Variants in DLAT observed in about 807,000 individuals in gnomAD.
The protein encoded by DLAT is dihydrolipoyllysine-residue acetyltransferase component of pyruvate dehydrogenase complex, mitochondrial.
In DLAT, 43 loss-of-function variants were observed where a neutral mutation model predicts 68.0. The observed-to-expected ratio is 0.63, with a 90% CI of 0.50 to 0.81. DLAT has a LOEUF of 0.81. Ranked by LOEUF, DLAT falls within the 40% of genes least tolerant of loss-of-function variation. DLAT has a pLI of 0.00. For synonymous variants in DLAT, 265 were observed against 288.6 expected, an observed-to-expected ratio of 0.92 and a Z score of 0.83; for missense variants, 745 against 815.4, an observed-to-expected ratio of 0.91 and a Z score of 1.05.
chr11:112,044,079 A>C (rs1483927501), intron 8 of DLAT, among the ~76,000 whole-genome samples: 4 of 152,220 alleles, frequency 2.6e-5, no homozygotes, highest in African/African-American at 9.6e-5. Flanking sequence ...CATGTATTCC[A>C]CATTATGTTT....
In DLAT at chr11:112,038,347, A is replaced by G. The variant is rs1369192540; in HGVS notation, c.975+887A>G. 2.0e-5 allele frequency among the ~76,000 whole-genome samples: 3 copies of G among 151,590 alleles called. No homozygotes were observed. The East Asian group carries it at 5.9e-4, about 30-fold the overall frequency. ...CCGAGTAGCTGGGATTACAGGTGTT[A>G]GCCACCATGCCCGGCTAATTTTTTT... On this transcript the variant is annotated intron_variant, in intron 6 of 13. Transcript: ENST00000280346.
intron 5 of DLAT, among the ~76,000 whole-genome samples, chr11:112,036,124 CATATATATATGTGTGTGTAT>C (rs71060208): frequency 1.6e-4 from 22 of 133,584 alleles, no homozygotes; most frequent in Admixed American, 4.1e-4. Context: ...CAGACTTAAA[CATATATATATGTGTGTGTAT>C]ATATATATAT....
Position 112,059,143 on chromosome 11 carries a change from A to G in DLAT, c.1515-760A>G, listed in dbSNP as rs587774055. 2.0e-5 allele frequency among the ~76,000 whole-genome samples: 3 copies of G among 151,990 alleles called. No homozygotes were observed. The East Asian group carries it at 5.8e-4, about 29-fold the overall frequency. On this transcript the variant is annotated intron_variant, in intron 11 of 13. Transcript: ENST00000280346. Reference sequence around the variant, plus strand: ...CTGAGCACTCCTATTTCTTGCTACAATGCAGTTCTTTCCCTTCACTCTTCC... The same window carrying G: ...CTGAGCACTCCTATTTCTTGCTACAGTGCAGTTCTTTCCCTTCACTCTTCC...
intron 11 of DLAT, among the ~76,000 whole-genome samples, chr11:112,058,625 T>TG (rs1169416538): frequency 0.28 from 19,871 of 71,678 alleles, 2,712 homozygotes; most frequent in East Asian, 0.45. Context: ...AAGGGGGGGG[T>TG]GGGGGGGGGG....
chr11:112,056,830 A>G (rs1291718185), intron 11 of DLAT, among the ~76,000 whole-genome samples: 1 of 152,154 alleles, frequency 6.6e-6, no homozygotes, highest in Non-Finnish European at 1.5e-5. Flanking sequence ...GTCCTCATCA[A>G]TATTTGTTAC....
At chr11:112,058,619 G>GA (rs1326335284) in intron 11 of DLAT, among the ~76,000 whole-genome samples, 1 of 130,266 alleles carries the variant, frequency 7.7e-6, no homozygotes, top group Non-Finnish European at 1.6e-5. Flanking sequence ...TGGGGGAAGG[G>GA]GGGGGTGGGG....
In DLAT at chr11:112,064,294, A is replaced by C. The variant is rs1864820048; in HGVS notation, c.*1759A>C. The C allele has an allele frequency of 7.7e-7, 1 of 1,304,596 alleles. No individual in the cohort carries two copies. The highest frequency in any genetic ancestry group is 2.7e-5 in the Admixed American group (1 of 37,038). 80.8% of individuals were successfully genotyped at this position (1,304,596 alleles called of 1,614,324 possible). A position where few individuals can be genotyped will look rare whatever the true frequency, so the allele number is the denominator to read the frequency against. On this transcript the variant is annotated 3_prime_UTR_variant, in exon 14 of 14. Transcript: ENST00000280346. ...TAAAAATTAATCTGAGCTATAATCT[A>C]AATCGATTCAGTCTCTTACCAGAAC...
chr11:112,041,389 A>G (rs1555181000), intron 7 of DLAT, among the ~76,000 whole-genome samples: 1 of 152,222 alleles, frequency 6.6e-6, no homozygotes, highest in African/African-American at 2.4e-5. Flanking sequence ...GAATGGATAT[A>G]TGTGCAGTCA....
chr11:112,029,895 G>A, intron 4 of DLAT: 1 of 674,402 alleles, frequency 1.5e-6, no homozygotes, highest in Non-Finnish European at 2.8e-6. Flanking sequence ...GGGGCCTGTG[G>A]GAACATTCTG....
intron 2 of DLAT, 72 bp downstream of exon 2, chr11:112,026,371 G>A: frequency 1.1e-6 from 1 of 873,208 alleles, no homozygotes; most frequent in Non-Finnish European, 1.6e-6. Flanking sequence ...GTTTCTCGCA[G>A]AGGGGGATTT....
At chr11:112,056,321 ACT>A (rs1479064820) in intron 11 of DLAT, among the ~76,000 whole-genome samples, 1 of 152,082 alleles carries the variant, frequency 6.6e-6, no homozygotes, top group Admixed American at 6.6e-5. Context: ...CCAAAAGATC[ACT>A]CATGCTCATT....
chr11:112,029,759 A>G (rs1862293652), intron 4 of DLAT: 1 of 418,968 alleles, frequency 2.4e-6, no homozygotes, highest in Non-Finnish European at 4.6e-6. Context: ...AGGGAAGCAA[A>G]CACAGGGGCC....
At position 112,063,545 on chromosome 11, in the gene DLAT, G is replaced by T. The variant is rs587647770; in HGVS notation, c.*1010G>T. 6.6e-6 allele frequency: 1 copy of T among 152,624 alleles called. No individual in the cohort carries two copies. The highest frequency in any genetic ancestry group is 1.9e-4 in the East Asian group (1 of 5,188). 9.5% of individuals were successfully genotyped at this position (152,624 alleles called of 1,614,324 possible). On this transcript the variant is annotated 3_prime_UTR_variant, in exon 14 of 14. Transcript: ENST00000280346. ...GGTACATTGGTAAACATTTTGGAGT[G>T]CTTAAAAATGCCAAAAACAAAATGG...
chr11:112,025,837 T>C, intron 1 of DLAT, 86 bp downstream of exon 1: 1 of 1,526,764 alleles, frequency 6.5e-7, no homozygotes, highest in Non-Finnish European at 8.9e-7. Flanking sequence ...GAGGCCTCAC[T>C]GATCCTCCAC....
intron 8 of DLAT, among the ~76,000 whole-genome samples, chr11:112,044,376 G>C (rs1390131199): frequency 2.0e-5 from 3 of 152,104 alleles, no homozygotes; most frequent in Non-Finnish European, 4.4e-5. Flanking sequence ...CGTATGTTTA[G>C]TAGAGACAGG....
intron 7 of DLAT, 47 bp from the exon 8 acceptor site, chr11:112,043,419 G>T: frequency 6.4e-7 from 1 of 1,558,470 alleles, no homozygotes; most frequent in Non-Finnish European, 8.9e-7. Flanking sequence ...TCTCCTTGGG[G>T]AACCAATGGT....
chr11:112,025,742 G>A lies in DLAT; in HGVS notation c.270G>A (p.Pro90=), dbSNP rs782473772. ...GCCGCCGCTATTACAGTCTTCCCCC[G>A]CATCAGAAGGTGAGCCCTAGACCCC... The part of the protein sequence containing the change: ...SPGRRYYSLP[P]HQKVPLPSLS... The change falls in exon 1 of 14, where the codon CCG becomes CCA. Residue 90 remains proline (P), a synonymous_variant. Transcript: ENST00000280346. 3 of 1,613,094 alleles carry A rather than the reference G, an allele frequency of 1.9e-6. No individual in the cohort carries two copies. Among genetic ancestry groups the A allele is most frequent in the Middle Eastern group, 3.3e-4 (2 of 6,084 alleles).
Position 112,045,876 on chromosome 11 carries a change from G to A in DLAT, c.1304G>A (p.Arg435Gln), listed in dbSNP as rs782431216. 3.1e-6 allele frequency: 5 copies of A among 1,605,768 alleles called. No individual in the cohort carries two copies. Among genetic ancestry groups the A allele is most frequent in the Admixed American group, 1.7e-5 (1 of 59,984 alleles). Reference protein sequence around the residue: ...ISNIRRVIAQRLMQSKQTIPH... With the variant: ...ISNIRRVIAQQLMQSKQTIPH... ...CTTTGGTTTCAGGTTATTGCACAGC[G>A]ATTAATGCAATCAAAGCAAACCATA... Residue 435 changes from arginine (R) to glutamine (Q), a missense_variant, in exon 10 of 14, where the codon CGA (arginine) becomes CAA (glutamine). Coordinates refer to ENST00000280346, the MANE Select transcript of DLAT (RefSeq NM_001931.5).
chr11:112,053,195 G>T (rs1290979630), intron 11 of DLAT, among the ~76,000 whole-genome samples: 1 of 152,032 alleles, frequency 6.6e-6, no homozygotes, highest in African/African-American at 2.4e-5. Context: ...GGTGGTGCAT[G>T]CCTGTAATCT....
Sources: allele counts gnomAD v4.1 joint callset (sites outside exome capture counted in the v4.1 genomes callset), GRCh38; gene constraint gnomAD v4.1.1; transcripts MANE v1.5; gene names NCBI Gene and HGNC (gene_info 2026-07-23, HGNC 2026-07-21).